ADCYAP1: variants seen among roughly 807,000 people sequenced by gnomAD.
ADCYAP1 encodes adenylate cyclase activating polypeptide 1, also known as pituitary adenylate cyclase-activating polypeptide.
A neutral mutation model predicts 18.5 loss-of-function variants in ADCYAP1; 6 were observed. The observed-to-expected ratio is 0.32, with a 90% CI of 0.18 to 0.64. The LOEUF is 0.64. Among genes scored for constraint, ADCYAP1 ranks in the 30% least tolerant of loss-of-function variants. The pLI is 0.77. For missense variants in ADCYAP1, 314 were observed against 253.6 expected, an observed-to-expected ratio of 1.24 and a Z score of -1.62; for synonymous variants, 136 against 113.9, an observed-to-expected ratio of 1.19 and a Z score of -1.24.
chr18:904,711 C>A, upstream of ADCYAP1: 1 of 1,229,908 alleles, frequency 8.1e-7, no homozygotes, highest in Non-Finnish European at 1.0e-6. Context: ...CCCTCTTTCC[C>A]TTAATCGCCT....
chr18:907,595 G>T (rs575847241), intron 2 of ADCYAP1, 64 bp from the exon 3 acceptor site: 2,659 of 1,514,862 alleles, frequency 1.8e-3, no homozygotes, highest in Non-Finnish European at 2.1e-3. Flanking sequence ...CCTTACTTTG[G>T]ATCCTCGCCG....
chr18:904,527 A>G (rs1395593930), upstream of ADCYAP1: 1 of 1,289,048 alleles, frequency 7.8e-7, no homozygotes, highest in African/African-American at 1.5e-5. Context: ...AAGGCCGGTC[A>G]CCTCTGTAAC....
At chr18:905,631 AGCCTCGGCTG>A (rs1477463400) in intron 2 of ADCYAP1, 135 bp downstream of exon 2, 1 of 1,082,662 alleles carries the variant, frequency 9.2e-7, no homozygotes, top group Non-Finnish European at 1.3e-6. Context: ...CGCCTCCGCC[AGCCTCGGCTG>A]GACAGCGGGT....
intron 4 of ADCYAP1, 34 bp downstream of exon 4, chr18:908,397 C>T (rs1373567315): frequency 1.3e-6 from 2 of 1,583,512 alleles, no homozygotes; most frequent in South Asian, 1.1e-5. Context: ...CCTGCGCGCG[C>T]CGGGGTGGGT....
At chr18:904,421 C>T (rs1468073208), upstream of ADCYAP1, 3 of 1,283,126 alleles carry the variant, frequency 2.3e-6, no homozygotes, top group Non-Finnish European at 3.0e-6. Context: ...ATATTCTGTA[C>T]TTAAAGGCAA....
chr18:906,853 C>G (rs1464121578), intron 2 of ADCYAP1, among the ~76,000 whole-genome samples: 1 of 152,224 alleles, frequency 6.6e-6, no homozygotes, highest in African/African-American at 2.4e-5. Context: ...ATCTCGGTCC[C>G]CCTCCTCGTG....
At chr18:904,523 G>C, upstream of ADCYAP1, 5 of 1,289,134 alleles carry the variant, frequency 3.9e-6, no homozygotes, top group Non-Finnish European at 5.1e-6. Flanking sequence ...GCAGAAGGCC[G>C]GTCACCTCTG....
chr18:904,819 T>A (rs1444828411), upstream of ADCYAP1: 1 of 1,286,010 alleles, frequency 7.8e-7, no homozygotes, highest in Non-Finnish European at 1.0e-6. Flanking sequence ...TGCGCCCCCT[T>A]CTCTCCGTGT....
chr18:909,434 C>T lies in ADCYAP1; in HGVS notation c.342-12C>T, dbSNP rs1369859733. The stretch of plus-strand genomic sequence containing the variant: ...CGCCCCGCCACCCTCTTCCCGACCC[C>T]TTTGCTTGCAGTGGGAGCCTCGGCG... On this transcript the variant is annotated splice_polypyrimidine_tract_variant and intron_variant, in intron 4 of 4. Coordinates refer to ENST00000450565, the MANE Select transcript of ADCYAP1 (RefSeq NM_001099733.2). 6.2e-7 allele frequency: 1 copy of T among 1,608,926 alleles called. No individual in the cohort carries two copies. Among genetic ancestry groups the T allele is most frequent in the African/African-American group, 1.3e-5 (1 of 74,790 alleles).
rs748766669 is a variant in ADCYAP1, at chr18:909,673, C to T, written c.*38C>T. On this transcript the variant is annotated 3_prime_UTR_variant, in exon 5 of 5. Transcript: ENST00000450565. ...AGCTACCCTGTGTATACAGCCCTGA[C>T]GCAATGAAAAGTCGTTTTCCAAACT... 19 of 1,565,704 alleles carry T rather than the reference C, an allele frequency of 1.2e-5. No individual in the cohort carries two copies. The Middle Eastern group carries it at 5.1e-4, about 42-fold the overall frequency.
intron 2 of ADCYAP1, chr18:906,475 G>A (rs542738864): frequency 4.0e-4 from 61 of 152,492 alleles, no homozygotes; most frequent in African/African-American, 1.4e-3. Context: ...TTTGGACGGA[G>A]AGATGGGTTC....
intron 3 of ADCYAP1, 178 bp downstream of exon 3, chr18:907,968 T>A (rs1021017330): frequency 4.1e-6 from 5 of 1,215,076 alleles, no homozygotes; most frequent in Middle Eastern, 5.9e-4. Context: ...CGGGCGGGTC[T>A]GTGTGGACCT....
chr18:909,412 C>T, intron 4 of ADCYAP1, 34 bp from the exon 5 acceptor site: 1 of 1,590,402 alleles, frequency 6.3e-7, no homozygotes, highest in Non-Finnish European at 8.6e-7. Context: ...TGTCTCCCGC[C>T]CCGCCACCCT....
upstream of ADCYAP1, chr18:904,776 T>A (rs566013871): frequency 1.2e-4 from 147 of 1,275,364 alleles, no homozygotes; most frequent in Non-Finnish European, 1.5e-4. Flanking sequence ...CTTCACCTCA[T>A]CGCCCCCTCT....
Position 904,885 on chromosome 18 carries a change from G to C in ADCYAP1, c.-177G>C. ...AACTTTTGAGCAGAACACGAGCCTC[G>C]GCAAACGAGTCCCGCAGCTCCTCCT... On this transcript the variant is annotated 5_prime_UTR_variant, in exon 1 of 5. Coordinates refer to ENST00000450565, the MANE Select transcript of ADCYAP1 (RefSeq NM_001099733.2). The C allele has an allele frequency of 2.3e-6, 3 of 1,288,504 alleles. No homozygotes were observed. The highest frequency in any genetic ancestry group is 1.2e-5 in the South Asian group (1 of 80,984). The allele number at this position is 1,288,504 out of a possible 1,614,324, so 79.8% of individuals were successfully genotyped here. A position where few individuals can be genotyped will look rare whatever the true frequency, so the allele number is the denominator to read the frequency against.
intron 2 of ADCYAP1, among the ~76,000 whole-genome samples, chr18:907,136 C>CT (rs1319421876): frequency 2.0e-5 from 3 of 152,188 alleles, no homozygotes; most frequent in African/African-American, 7.2e-5. Context: ...CCTACATCTG[C>CT]TCGGAGAAGG....
chr18:905,706 AG>A, intron 2 of ADCYAP1: 1 of 613,988 alleles, frequency 1.6e-6, no homozygotes, highest in East Asian at 2.9e-5. Flanking sequence ...CGCCTCCCCC[AG>A]CCCTAGGCAG....
rs763226915 is a variant in ADCYAP1, at chr18:907,738, CCCGCCT to C, written c.195_200del (p.Ser66_Ala67del). 1 of 1,519,138 alleles carries C rather than the reference CCCGCCT, an allele frequency of 6.6e-7. No individual in the cohort carries two copies. Among genetic ancestry groups the C allele is most frequent in the African/African-American group, 1.4e-5 (1 of 70,550 alleles). The allele number at this position is 1,519,138 out of a possible 1,614,324, so 94.1% of individuals were successfully genotyped here. On this transcript the variant is annotated inframe_deletion, in exon 3 of 5. Coordinates refer to ENST00000450565, the MANE Select transcript of ADCYAP1 (RefSeq NM_001099733.2). ...CTCGGAGCCGCCGGGCGCAGGGAGCCCCGCCTCCGCGCCGCGCGCCGCCGCCGCCTG... is the reference window on the plus strand; with the variant it reads ...CTCGGAGCCGCCGGGCGCAGGGAGCCCCGCGCCGCGCGCCGCCGCCGCCTG...
Position 908,090 on chromosome 18 carries a change from CCTAGCAG to C in ADCYAP1, c.243-174_243-168del, listed in dbSNP as rs1452182288. ...CCTAGAGCCGGGACTAGCTCCCGATCCTAGCAGTTGCTCTCGAGATCATCCCGGGAGT... is the reference window on the plus strand; with the variant it reads ...CCTAGAGCCGGGACTAGCTCCCGATCTTGCTCTCGAGATCATCCCGGGAGT... On this transcript the variant is annotated intron_variant, in intron 3 of 4. Coordinates refer to ENST00000450565, the MANE Select transcript of ADCYAP1 (RefSeq NM_001099733.2). 12 of 675,802 alleles carry C rather than the reference CCTAGCAG, an allele frequency of 1.8e-5. No individual in the cohort carries two copies. The East Asian group carries it at 2.3e-4, about 13-fold the overall frequency. 41.9% of individuals were successfully genotyped at this position (675,802 alleles called of 1,614,324 possible).
Sources: allele counts gnomAD v4.1 joint callset (sites outside exome capture counted in the v4.1 genomes callset), GRCh38; gene constraint gnomAD v4.1.1; transcripts MANE v1.5; gene names NCBI Gene and HGNC (gene_info 2026-07-23, HGNC 2026-07-21).